SLC22A25: variants seen among roughly 807,000 people sequenced by gnomAD.
SLC22A25 encodes solute carrier family 22 member 25.
A neutral mutation model predicts 45.9 loss-of-function variants in SLC22A25; 44 were observed. The ratio of observed to expected loss-of-function variants is 0.96; its 90% CI spans 0.75 to 1.23. The LOEUF is 1.23. Ranked by LOEUF, SLC22A25 falls within the 50% of genes most tolerant of loss-of-function variation. SLC22A25 has a pLI of 0.00. For synonymous variants in SLC22A25, 283 were observed against 238.6 expected, an observed-to-expected ratio of 1.19 and a Z score of -1.72; for missense variants, 800 against 666.4, an observed-to-expected ratio of 1.20 and a Z score of -2.21.
chr11:63,173,327 A>G (rs1279353222), intron 9 of SLC22A25, among the ~76,000 whole-genome samples: 1 of 152,184 alleles, frequency 6.6e-6, no homozygotes, highest in Non-Finnish European at 1.5e-5. Context: ...TGGCACATGT[A>G]TACCAATGTA....
At chr11:63,236,046 C>T (rs1312163160) in intron 3 of SLC22A25, among the ~76,000 whole-genome samples, 1 of 152,120 alleles carries the variant, frequency 6.6e-6, no homozygotes, top group Non-Finnish European at 1.5e-5. Flanking sequence ...GGTGTCAGTC[C>T]ACCCCTAATG....
Position 63,217,692 on chromosome 11 carries a change from C to T in SLC22A25, c.550G>A (p.Ala184Thr), listed in dbSNP as rs201370159. The change falls in exon 6 of 12, where the codon GCC becomes ACC. Residue 184 changes from alanine to threonine, a missense_variant. Ala to Thr is a moderately conservative substitution (Grantham distance 58). Transcript: ENST00000306494. ...AAGGCCGCACAGGTGCCTACAATGG[C>T]GAGCTGGAGGTAAGACCATCTGAGC... ...FVLRWSYLQL[A>T]IVGTCAAFAP... The T allele has an allele frequency of 1.5e-4, 239 of 1,613,740 alleles. 1 individual carries two copies. Among genetic ancestry groups the T allele is most frequent in the South Asian group, 2.6e-4 (24 of 91,026 alleles).
intron 7 of SLC22A25, among the ~76,000 whole-genome samples, chr11:63,203,369 G>C (rs891605952): frequency 6.6e-6 from 1 of 151,892 alleles, no homozygotes; most frequent in Non-Finnish European, 1.5e-5. Flanking sequence ...TGAGCTAAAG[G>C]AGCATGTTCT....
chr11:63,177,105 CAA>C (rs2088116419), intron 9 of SLC22A25, among the ~76,000 whole-genome samples: 1 of 151,922 alleles, frequency 6.6e-6, no homozygotes, highest in African/African-American at 2.4e-5. Context: ...GAAAACAAAC[CAA>C]AGTCTTATGG....
At chr11:63,207,892 T>C (rs1174226880) in intron 7 of SLC22A25, among the ~76,000 whole-genome samples, 1 of 152,204 alleles carries the variant, frequency 6.6e-6, no homozygotes, top group Admixed American at 6.5e-5. Context: ...TTCTGTAATA[T>C]GCTTCCCCCT....
Position 63,229,680 on chromosome 11 carries a change from G to C in SLC22A25, c.-28C>G. The stretch of plus-strand genomic sequence containing the variant: ...AGGCTGGACAAGTGATCCCCAAGAG[G>C]AGACAAAATGACTGTATCCAGATAA... On this transcript the variant is annotated 5_prime_UTR_variant, in exon 4 of 12. Transcript: ENST00000306494. 1 of 1,583,080 alleles carries C rather than the reference G, an allele frequency of 6.3e-7. No homozygotes were observed. Among genetic ancestry groups the C allele is most frequent in the South Asian group, 1.1e-5 (1 of 88,898 alleles).
chr11:63,203,081 TCAAA>T (rs2089296694), intron 7 of SLC22A25, among the ~76,000 whole-genome samples: 1 of 151,692 alleles, frequency 6.6e-6, no homozygotes, highest in Non-Finnish European at 1.5e-5. Flanking sequence ...TTATTAGAAG[TCAAA>T]CTAACAAACA....
chr11:63,176,501 T>A (rs183636595), intron 9 of SLC22A25, among the ~76,000 whole-genome samples: 1 of 152,130 alleles, frequency 6.6e-6, no homozygotes, highest in East Asian at 1.9e-4. Flanking sequence ...AATCTCATTT[T>A]TGGATAGTTT....
chr11:63,174,828 C>G (rs2088027635), intron 9 of SLC22A25, among the ~76,000 whole-genome samples: 1 of 152,068 alleles, frequency 6.6e-6, no homozygotes, highest in South Asian at 2.1e-4. Context: ...AACTATGATT[C>G]TACTTTCTGC....
In SLC22A25 at chr11:63,190,132, C is replaced by A. The variant is rs534096269; in HGVS notation, c.831-6315G>T. ...GGAAGTTCTCCTGGATAATATCCTGCAGAGTGTTTTCCAACTTCATTCCAT... is the reference window on the plus strand; with the variant it reads ...GGAAGTTCTCCTGGATAATATCCTGAAGAGTGTTTTCCAACTTCATTCCAT... On this transcript the variant is annotated intron_variant, in intron 7 of 11. Coordinates refer to ENST00000306494, the MANE Select transcript of SLC22A25 (RefSeq NM_199352.6). Among the ~76,000 whole-genome samples, 4 of 152,292 alleles carry A rather than the reference C, an allele frequency of 2.6e-5. No homozygotes were observed. In the South Asian group the frequency reaches 8.3e-4, roughly 32 times the overall value.
chr11:63,229,510 C>G lies in SLC22A25; in HGVS notation c.143G>C (p.Arg48Pro). 1 of 1,614,060 alleles carries G rather than the reference C, an allele frequency of 6.2e-7. No individual in the cohort carries two copies. Among genetic ancestry groups the G allele is most frequent in the Middle Eastern group, 1.6e-4 (1 of 6,062 alleles). The change falls in exon 4 of 12, where the codon CGC (arginine) becomes CCC (proline). Residue 48 changes from arginine (R) to proline (P), a missense_variant. Transcript: ENST00000306494. ...ATTGTCCAGTATATGAACCCAGCAGCGATGATCAAGTATGAATGCTGCGAA... is the reference window on the plus strand; with the variant it reads ...ATTGTCCAGTATATGAACCCAGCAGGGATGATCAAGTATGAATGCTGCGAA... ...ENFAAFILDH[R>P]CWVHILDNDT...
intron 6 of SLC22A25, 47 bp downstream of exon 6, chr11:63,217,534 T>A (rs2089746110): frequency 6.2e-7 from 1 of 1,610,110 alleles, no homozygotes; most frequent in East Asian, 2.2e-5. Context: ...GGAGCTTCAA[T>A]GTCAAAGCCA....
intron 9 of SLC22A25, chr11:63,166,758 G>A: frequency 8.1e-6 from 8 of 986,616 alleles, no homozygotes; most frequent in Non-Finnish European, 8.4e-6. Context: ...TCATTCTGTA[G>A]ATGGTCTTGT....
At chr11:63,190,001 G>A (rs950809931) in intron 7 of SLC22A25, among the ~76,000 whole-genome samples, 19 of 152,220 alleles carry the variant, frequency 1.2e-4, no homozygotes, top group African/African-American at 4.6e-4. Context: ...TTCAACTTTG[G>A]TGAATCTGAC....
chr11:63,217,551 G>C, intron 6 of SLC22A25, 30 bp downstream of exon 6: 3 of 1,609,666 alleles, frequency 1.9e-6, no homozygotes, highest in Non-Finnish European at 2.5e-6. Flanking sequence ...GCCAAGGCTT[G>C]GAAAATGTGG....
chr11:63,214,316 A>C (rs1235616432), intron 7 of SLC22A25, among the ~76,000 whole-genome samples: 1 of 152,224 alleles, frequency 6.6e-6, no homozygotes, highest in African/African-American at 2.4e-5. Context: ...CCAGTAGAAG[A>C]AGCGCAGCTC....
chr11:63,200,283 A>G lies in SLC22A25; in HGVS notation c.831-16466T>C, dbSNP rs114032557. On this transcript the variant is annotated intron_variant, in intron 7 of 11. Coordinates refer to ENST00000306494, the MANE Select transcript of SLC22A25 (RefSeq NM_199352.6). ...AAATTACTGGTAAACAGAATCCAGC[A>G]GCACATTGAAAAGCTTATCCAGCAT... 4.6e-3 allele frequency among the ~76,000 whole-genome samples: 694 copies of G among 150,152 alleles called. 8 individuals carry two copies. The highest frequency in any genetic ancestry group is 0.016 in the African/African-American group (656 of 40,818).
At chr11:63,167,308 T>A (rs2087720097) in intron 9 of SLC22A25, 1 of 152,430 alleles carries the variant, frequency 6.6e-6, no homozygotes, top group Non-Finnish European at 1.5e-5. Flanking sequence ...GGAACCTCAG[T>A]GAGACAGAAC....
At chr11:63,240,380 A>G (rs2090228628) in intron 1 of SLC22A25, among the ~76,000 whole-genome samples, 1 of 152,220 alleles carries the variant, frequency 6.6e-6, no homozygotes, top group Non-Finnish European at 1.5e-5. Flanking sequence ...TAATTCCAAC[A>G]GATTATAATG....
Sources: allele counts gnomAD v4.1 joint callset (sites outside exome capture counted in the v4.1 genomes callset), GRCh38; gene constraint gnomAD v4.1.1; transcripts MANE v1.5; gene names NCBI Gene and HGNC (gene_info 2026-07-23, HGNC 2026-07-21).